The following PHF14 variants were observed in gnomAD, a reference collection of about 807,000 sequenced individuals.
PHF14 encodes the protein PHD finger protein 14.
A neutral mutation model predicts 117.9 loss-of-function variants in PHF14; 55 were observed. The ratio of observed to expected loss-of-function variants is 0.47; its 90% CI spans 0.38 to 0.58. PHF14 has a LOEUF of 0.58. Among genes scored for constraint, PHF14 ranks in the 20% least tolerant of loss-of-function variants. The pLI is 0.00. For synonymous variants in PHF14, 409 were observed against 368.6 expected (o/e 1.11, Z -1.26); for missense variants, 978 against 1,122.2 (o/e 0.87, Z 1.84).
chr7:11,006,804 T>A (rs1339008246), intron 4 of PHF14: 2 of 803,692 alleles, frequency 2.5e-6, no homozygotes, highest in Non-Finnish European at 4.2e-6. Context: ...TTCTTGGCCT[T>A]GAAAGCCTTC....
rs1781780160 is a variant in PHF14 at position 10,974,150 on chromosome 7, T to C, written c.-174T>C. On this transcript the variant is annotated 5_prime_UTR_variant, in exon 1 of 18. Coordinates refer to ENST00000634607, the MANE Select transcript of PHF14 (RefSeq NM_001007157.2). ...CAGGCGAGGCCGGGGGGGCGGGGGG[T>C]TAGGGGACCGCGGGGCTACTCTTGG... 4 of 596,370 alleles carry C rather than the reference T, an allele frequency of 6.7e-6. No homozygotes were observed. The East Asian group carries it at 1.2e-4, about 17-fold the overall frequency. The allele number at this position is 596,370 out of a possible 1,614,324, so 36.9% of individuals were successfully genotyped here.
chr7:10,995,873 G>A (rs115322277), intron 4 of PHF14, among the ~76,000 whole-genome samples: 2,651 of 152,284 alleles, frequency 0.017, 70 homozygotes, highest in African/African-American at 0.06. Flanking sequence ...GCCCGCAAGC[G>A]CCTTGCACAG....
chr7:11,142,531 A>G (rs1045943383), intron 17 of PHF14, among the ~76,000 whole-genome samples: 1 of 152,124 alleles, frequency 6.6e-6, no homozygotes, highest in Admixed American at 6.5e-5. Flanking sequence ...CCGCAAGCTT[A>G]TAACCAAGAT....
intron 7 of PHF14, among the ~76,000 whole-genome samples, chr7:11,035,283 C>T (rs1018397032): frequency 6.6e-5 from 10 of 152,006 alleles, no homozygotes; most frequent in South Asian, 2.1e-4. Context: ...TAACATAAGA[C>T]GCTTGAGCAT....
intron 4 of PHF14, among the ~76,000 whole-genome samples, chr7:10,991,313 G>A (rs1782440108): frequency 6.6e-6 from 1 of 152,142 alleles, no homozygotes; most frequent in Admixed American, 6.5e-5. Flanking sequence ...AAGTAGCTGG[G>A]ATTACAGGCA....
In PHF14 at chr7:11,107,219, G is replaced by A. The variant is rs6980126; in HGVS notation, c.2655-4131G>A. 3,021 of 983,570 alleles carry A rather than the reference G, an allele frequency of 3.1e-3. 72 individuals are homozygous for A. The African/African-American group carries it at 0.05, about 16-fold the overall frequency. 60.9% of individuals were successfully genotyped at this position (983,570 alleles called of 1,614,324 possible). A position where few individuals can be genotyped will look rare whatever the true frequency, so the allele number is the denominator to read the frequency against. On this transcript the variant is annotated intron_variant, in intron 16 of 17. Coordinates refer to ENST00000634607, the MANE Select transcript of PHF14 (RefSeq NM_001007157.2). ...CTTGTTTGCATATTCTCAATAGTCA[G>A]GTAAACACCTGACTAATTGCTTGTT... is the stretch of plus-strand genomic sequence containing the variant.
intron 14 of PHF14, among the ~76,000 whole-genome samples, chr7:11,052,514 C>G (rs1355884991): frequency 6.6e-6 from 1 of 151,352 alleles, no homozygotes; most frequent in East Asian, 2.0e-4. Flanking sequence ...TGTAGATTTG[C>G]TAAGTTACAG....
chr7:11,077,700 T>G (rs1225364214), intron 16 of PHF14, among the ~76,000 whole-genome samples: 2 of 152,162 alleles, frequency 1.3e-5, no homozygotes, highest in African/African-American at 4.8e-5. Flanking sequence ...AGTCTCTTGT[T>G]TGCCTGTGAG....
chr7:10,999,238 T>G (rs1399804259), intron 4 of PHF14, among the ~76,000 whole-genome samples: 1 of 152,196 alleles, frequency 6.6e-6, no homozygotes, highest in African/African-American at 2.4e-5. Flanking sequence ...TGCCCCCTGA[T>G]AGTAAGGCCT....
At chr7:11,006,035 G>C (rs1330434388) in intron 4 of PHF14, among the ~76,000 whole-genome samples, 1 of 151,814 alleles carries the variant, frequency 6.6e-6, no homozygotes, top group East Asian at 1.9e-4. Context: ...CTCATGATCT[G>C]CCCACCTCGG....
intron 17 of PHF14, among the ~76,000 whole-genome samples, chr7:11,125,366 C>T (rs1787897921): frequency 6.6e-6 from 1 of 152,104 alleles, no homozygotes; most frequent in Non-Finnish European, 1.5e-5. Context: ...ACTTTGTGTA[C>T]ACTGGCAGTT....
intron 17 of PHF14, among the ~76,000 whole-genome samples, chr7:11,147,906 T>G (rs1788592670): frequency 6.6e-6 from 1 of 152,168 alleles, no homozygotes; most frequent in African/African-American, 2.4e-5. Flanking sequence ...GGCTCAAACT[T>G]AATGTTACCA....
intron 3 of PHF14, 110 bp downstream of exon 3, chr7:10,983,269 G>A: frequency 8.1e-7 from 1 of 1,233,266 alleles, no homozygotes; most frequent in Non-Finnish European, 1.1e-6. Context: ...TTTATAGACG[G>A]CTGTGGGATG....
rs187524377 is a variant in PHF14, at chr7:11,090,728, T to G, written c.2655-20622T>G. ...TGAATTTATTTCATATTAAAGATAC[T>G]GAAAGGCATTCACTTATTTATACAT... On this transcript the variant is annotated intron_variant, in intron 16 of 17. Coordinates refer to ENST00000634607, the MANE Select transcript of PHF14 (RefSeq NM_001007157.2). 1.7e-3 allele frequency among the ~76,000 whole-genome samples: 262 copies of G among 152,348 alleles called. 2 individuals carry two copies. The highest frequency in any genetic ancestry group is 3.3e-3 in the Non-Finnish European group (224 of 68,030).
intron 17 of PHF14, among the ~76,000 whole-genome samples, chr7:11,133,295 TA>T (rs1354893068): frequency 6.6e-6 from 1 of 151,798 alleles, no homozygotes; most frequent in African/African-American, 2.4e-5. Context: ...TACCCAACTT[TA>T]AAACTTACTA....
chr7:11,037,090 A>C lies in PHF14; in HGVS notation c.1979A>C (p.Lys660Thr). ...EQEKLHVEYN[K>T]LCESLEELQN... ...GAAAAGCTTCATGTAGAATATAATA[A>C]GGTAAGTTAGCTACAAAATATGCAA... is the stretch of plus-strand genomic sequence containing the variant. The change falls in exon 10 of 18, where the codon AAG becomes ACG. Residue 660 changes from lysine (K) to threonine (T), a missense_variant and splice_region_variant. By Grantham distance (78) the Lys-to-Thr change is moderately conservative (BLOSUM62 -1). This residue lies in a region of PHF14 where 237 missense variants were observed against 276.4 expected (regional missense o/e 0.86). Transcript: ENST00000634607. 1 of 1,483,586 alleles carries C rather than the reference A, an allele frequency of 6.7e-7. No individual in the cohort carries two copies. Among genetic ancestry groups the C allele is most frequent in the Non-Finnish European group, 9.1e-7 (1 of 1,096,558 alleles). The allele number at this position is 1,483,586 out of a possible 1,614,324, so 91.9% of individuals were successfully genotyped here.
intron 16 of PHF14, among the ~76,000 whole-genome samples, chr7:11,075,664 A>G (rs1785820301): frequency 6.6e-6 from 1 of 150,838 alleles, no homozygotes; most frequent in Non-Finnish European, 1.5e-5. Context: ...CCAACACTGG[A>G]AGTCACATTT....
chr7:11,030,841 A>G (rs1490718767), intron 7 of PHF14, among the ~76,000 whole-genome samples: 1 of 152,184 alleles, frequency 6.6e-6, no homozygotes, highest in Admixed American at 6.5e-5. Flanking sequence ...TTACATATAT[A>G]TGTTACTGGT....
intron 14 of PHF14, among the ~76,000 whole-genome samples, chr7:11,052,429 A>G (rs1583415034): frequency 6.6e-6 from 1 of 152,048 alleles, no homozygotes; most frequent in Non-Finnish European, 1.5e-5. Context: ...TTTCTATTCT[A>G]TACAGCTTTG....
Sources: gnomAD v4.1 joint callset for allele counts (sites outside exome capture counted in the v4.1 genomes callset) on GRCh38, gnomAD v4.1.1 for gene constraint, gnomAD v4.1.1 regional missense constraint, MANE v1.5 for transcripts, NCBI Gene and HGNC (gene_info 2026-07-23, HGNC 2026-07-21) for gene names.